OXR1: variants seen among roughly 807,000 people sequenced by gnomAD.
OXR1 encodes the protein oxidation resistance 1, also known as oxidation resistance protein 1.
OXR1 carries 41 observed loss-of-function variants against 104.6 expected under a neutral mutation model. That is an observed-to-expected ratio of 0.39 (90% CI 0.31 to 0.51). The LOEUF is 0.51. OXR1 is among the 20% of genes least tolerant of loss of function. The pLI is 0.77. For missense variants in OXR1, 955 were observed against 1,031.9 expected (o/e 0.93, Z 1.02); for synonymous variants, 348 against 348.4 (o/e 1.00, Z 0.01).
chr8:106,351,234 C>T (rs1438804988), intron 1 of OXR1, among the ~76,000 whole-genome samples: 2 of 152,136 alleles, frequency 1.3e-5, no homozygotes, highest in Admixed American at 1.3e-4. Context: ...CCGTGCTAGG[C>T]CATAAGTTTG....
intron 2 of OXR1, among the ~76,000 whole-genome samples, chr8:106,386,901 G>A (rs923954430): frequency 3.9e-5 from 6 of 152,150 alleles, no homozygotes; most frequent in African/African-American, 7.2e-5. Context: ...TTTAAAAAAG[G>A]CTTTTTTAAG....
chr8:106,491,602 C>A (rs1423515226), intron 2 of OXR1, among the ~76,000 whole-genome samples: 1 of 152,114 alleles, frequency 6.6e-6, no homozygotes, highest in Non-Finnish European at 1.5e-5. Context: ...AGTTTTCAAG[C>A]CTGTGAAAGC....
At chr8:106,542,498 T>C (rs1815032381) in intron 3 of OXR1, among the ~76,000 whole-genome samples, 1 of 152,126 alleles carries the variant, frequency 6.6e-6, no homozygotes, top group African/African-American at 2.4e-5. Flanking sequence ...TACTTCCCAA[T>C]CCATATTTCC....
At chr8:106,522,444 T>C (rs922702047) in intron 3 of OXR1, among the ~76,000 whole-genome samples, 3 of 152,204 alleles carry the variant, frequency 2.0e-5, no homozygotes, top group African/African-American at 7.2e-5. Context: ...CTGTTTATTG[T>C]TTTTACTCTG....
At chr8:106,535,790 A>C (rs1814469022) in intron 3 of OXR1, among the ~76,000 whole-genome samples, 1 of 152,222 alleles carries the variant, frequency 6.6e-6, no homozygotes, top group African/African-American at 2.4e-5. Context: ...TATAATAATA[A>C]GAAAAACCCA....
At chr8:106,380,633 T>C (rs994771431) in intron 2 of OXR1, among the ~76,000 whole-genome samples, 1 of 152,224 alleles carries the variant, frequency 6.6e-6, no homozygotes, top group African/African-American at 2.4e-5. Flanking sequence ...TCATCACTTA[T>C]TATTATCTGC....
At chr8:106,445,948 A>G (rs530028114) in intron 2 of OXR1, among the ~76,000 whole-genome samples, 6 of 152,228 alleles carry the variant, frequency 3.9e-5, no homozygotes, top group Non-Finnish European at 5.9e-5. Context: ...TAACAGAAAC[A>G]GTAACAAGAC....
At chr8:106,450,347 G>C (rs976308718) in intron 2 of OXR1, among the ~76,000 whole-genome samples, 2 of 152,068 alleles carry the variant, frequency 1.3e-5, no homozygotes, top group African/African-American at 4.8e-5. Flanking sequence ...TTTCATGTTT[G>C]TCCGTGTGCT....
At chr8:106,346,695 C>G (rs1003252496) in intron 1 of OXR1, among the ~76,000 whole-genome samples, 6 of 151,904 alleles carry the variant, frequency 3.9e-5, no homozygotes, top group Non-Finnish European at 8.8e-5. Flanking sequence ...TTCACTGAAT[C>G]TTCAGTGGTA....
chr8:106,750,758 T>C, intron 16 of OXR1, 48 bp from the exon 17 acceptor site: 1 of 1,386,528 alleles, frequency 7.2e-7, no homozygotes, highest in Middle Eastern at 1.9e-4. Context: ...TAAATTGTTT[T>C]ATAACTTAAG....
intron 15 of OXR1, among the ~76,000 whole-genome samples, chr8:106,744,576 G>A (rs1835220041): frequency 6.6e-6 from 1 of 152,094 alleles, no homozygotes; most frequent in African/African-American, 2.4e-5. Context: ...TAAATTATTT[G>A]GATTTAAATA....
At chr8:106,369,855 G>A (rs1816632903) in intron 2 of OXR1, among the ~76,000 whole-genome samples, 1 of 152,116 alleles carries the variant, frequency 6.6e-6, no homozygotes, top group Non-Finnish European at 1.5e-5. Flanking sequence ...TGTCCATTTT[G>A]CTTGGGATTG....
intron 2 of OXR1, among the ~76,000 whole-genome samples, chr8:106,451,683 T>A (rs1192495434): frequency 6.6e-6 from 1 of 152,262 alleles, no homozygotes; most frequent in Non-Finnish European, 1.5e-5. Flanking sequence ...AGATTTTGAT[T>A]GTTTTCTAGA....
intron 2 of OXR1, among the ~76,000 whole-genome samples, chr8:106,453,305 A>G (rs1043678459): frequency 5.3e-5 from 8 of 152,174 alleles, no homozygotes; most frequent in Non-Finnish European, 8.8e-5. Flanking sequence ...GCCTTGCCCT[A>G]AGTGTTGGGC....
chr8:106,473,724 A>T (rs1302209316), intron 2 of OXR1, among the ~76,000 whole-genome samples: 1 of 151,600 alleles, frequency 6.6e-6, no homozygotes, highest in African/African-American at 2.4e-5. Context: ...AGTTATTTTC[A>T]TTTTTTAAGG....
intron 3 of OXR1, among the ~76,000 whole-genome samples, chr8:106,524,235 T>G (rs539773450): frequency 6.6e-6 from 1 of 152,330 alleles, no homozygotes; most frequent in Admixed American, 6.5e-5. Flanking sequence ...GATAATCAGC[T>G]TATTTCACTA....
intron 3 of OXR1, among the ~76,000 whole-genome samples, chr8:106,628,517 A>T (rs1203458452): frequency 6.6e-6 from 1 of 152,210 alleles, no homozygotes; most frequent in African/African-American, 2.4e-5. Context: ...ATGCTTTTAT[A>T]GATTTTACTG....
At chr8:106,584,170 C>T (rs1818453711) in intron 3 of OXR1, among the ~76,000 whole-genome samples, 1 of 151,394 alleles carries the variant, frequency 6.6e-6, no homozygotes. Flanking sequence ...AATGAAAAAC[C>T]CAGTAAAAGC....
chr8:106,747,551 T>G (rs1383402994), intron 16 of OXR1, among the ~76,000 whole-genome samples: 1 of 152,234 alleles, frequency 6.6e-6, no homozygotes, highest in East Asian at 1.9e-4. Context: ...CAGAAAGTCG[T>G]ATGAATCATC....
Sources: gnomAD v4.1 joint callset for allele counts (sites outside exome capture counted in the v4.1 genomes callset) on GRCh38, gnomAD v4.1.1 for gene constraint, MANE v1.5 for transcripts, NCBI Gene and HGNC (gene_info 2026-07-23, HGNC 2026-07-21) for gene names.